Variants in SGCD observed in about 807,000 individuals in gnomAD.
SGCD encodes the protein delta-sarcoglycan.
SGCD carries 18 observed loss-of-function variants against 36.6 expected under a neutral mutation model. The ratio of observed to expected loss-of-function variants is 0.49; its 90% confidence interval spans 0.34 to 0.73. The LOEUF (loss-of-function observed/expected upper bound fraction) is 0.73, where lower values mean the gene tolerates loss of function less well. Ranked by LOEUF, SGCD falls within the 30% of genes least tolerant of loss-of-function variation. The probability of loss-of-function intolerance (pLI) is 0.01; values close to 1 mark genes in which losing one functional copy is unlikely to be tolerated. For missense variants in SGCD, 387 were observed against 346.7 expected (o/e 1.12, Z -0.92); for synonymous variants, 133 against 130.6 (o/e 1.02, Z -0.12).
chr5:155,922,858 A>T (rs1580992716), intron 1 of SGCD, among the ~76,000 whole-genome samples: 1 of 152,192 alleles, frequency 6.6e-6, no homozygotes, highest in Admixed American at 6.5e-5. Flanking sequence ...AAGACCAATA[A>T]ATCACCAGAA....
At chr5:156,270,385 C>A (rs974372435) in intron 3 of SGCD, among the ~76,000 whole-genome samples, 4 of 152,030 alleles carry the variant, frequency 2.6e-5, no homozygotes, top group Admixed American at 6.6e-5. Flanking sequence ...TTAAGATAGG[C>A]TTTTGTTTCT....
chr5:155,938,725 G>A (rs1757265187), intron 1 of SGCD, among the ~76,000 whole-genome samples: 1 of 152,128 alleles, frequency 6.6e-6, no homozygotes, highest in South Asian at 2.1e-4. Flanking sequence ...ATCCCCTGTG[G>A]CACCAGACAG....
intron 3 of SGCD, among the ~76,000 whole-genome samples, chr5:156,221,560 TA>T (rs1024836390): frequency 6.8e-5 from 10 of 147,436 alleles, no homozygotes; most frequent in East Asian, 2.0e-4. Flanking sequence ...TAATGAGATT[TA>T]AAAAAAAAAC....
intron 3 of SGCD, among the ~76,000 whole-genome samples, chr5:156,435,360 A>T (rs1282438413): frequency 6.6e-6 from 1 of 152,192 alleles, no homozygotes; most frequent in Admixed American, 6.5e-5. Flanking sequence ...TTTGCAGTAT[A>T]TTCCCCTGAG....
intron 7 of SGCD, among the ~76,000 whole-genome samples, chr5:156,702,657 G>A (rs1403247635): frequency 6.6e-6 from 1 of 152,016 alleles, no homozygotes; most frequent in Non-Finnish European, 1.5e-5. Flanking sequence ...TATTTGAGGG[G>A]AAATTAAATA....
intron 3 of SGCD, among the ~76,000 whole-genome samples, chr5:156,464,277 A>G (rs371727685): frequency 6.8e-6 from 1 of 147,836 alleles, no homozygotes; most frequent in South Asian, 2.1e-4. Flanking sequence ...CTGGAGTGCA[A>G]TGGTGTGATC....
intron 3 of SGCD, among the ~76,000 whole-genome samples, chr5:156,489,242 T>G (rs972176426): frequency 6.6e-6 from 1 of 152,080 alleles, no homozygotes; most frequent in Non-Finnish European, 1.5e-5. Flanking sequence ...AAGCAAATAT[T>G]ATTGGATCTA....
At chr5:155,735,548 T>C in the SGCD span, among the ~76,000 whole-genome samples, 2 of 152,292 alleles carry the variant, frequency 1.3e-5, no homozygotes, top group Non-Finnish European at 2.9e-5. Context: ...ACAGCCAGTG[T>C]GAATGCCAGT....
At chr5:156,236,066 A>G (rs1581186431) in intron 3 of SGCD, among the ~76,000 whole-genome samples, 2 of 152,376 alleles carry the variant, frequency 1.3e-5, no homozygotes, top group East Asian at 3.9e-4. Context: ...TTTTTAGAAT[A>G]GATCATTTTT....
At chr5:155,844,421 T>TTGTG in the SGCD span, among the ~76,000 whole-genome samples, 7,389 of 144,520 alleles carry the variant, frequency 0.051, 387 homozygotes, top group African/African-American at 0.13. Flanking sequence ...TGCTAAGGCT[T>TTGTG]TGTGTGTGTG....
At chr5:156,605,982 C>T (rs1182984745) in intron 6 of SGCD, among the ~76,000 whole-genome samples, 1 of 152,132 alleles carries the variant, frequency 6.6e-6, no homozygotes, top group Middle Eastern at 3.4e-3. Context: ...ATATTTTCAC[C>T]CATTCTGTGG....
chr5:155,926,636 T>G (rs1171169013), intron 1 of SGCD, among the ~76,000 whole-genome samples: 1 of 152,200 alleles, frequency 6.6e-6, no homozygotes, highest in African/African-American at 2.4e-5. Flanking sequence ...AATTTATGTG[T>G]AAAGATGTTT....
Position 155,892,183 on chromosome 5 carries a change from C to A in SGCD, c.-282+21759C>A, listed in dbSNP as rs1756147666. 2.0e-5 allele frequency among the ~76,000 whole-genome samples: 3 copies of A among 152,062 alleles called. No homozygotes were observed. In the South Asian group the frequency reaches 6.2e-4, roughly 32 times the overall value. On this transcript the variant is annotated intron_variant, in intron 1 of 9. Coordinates refer to the SGCD transcript ENST00000517913. ...GACATGAAAGAATGAAGCGGCCAGGCACAGTGGCTCACGCCTGTAGTCCCA... is the reference window on the plus strand; with the variant it reads ...GACATGAAAGAATGAAGCGGCCAGGAACAGTGGCTCACGCCTGTAGTCCCA...
chr5:156,716,839 G>A (rs1163746668), intron 7 of SGCD, among the ~76,000 whole-genome samples: 2 of 152,142 alleles, frequency 1.3e-5, no homozygotes, highest in Admixed American at 6.5e-5. Context: ...CTCCTCCCTC[G>A]ATAGGGGTGG....
intron 7 of SGCD, among the ~76,000 whole-genome samples, chr5:156,729,155 C>A (rs1019700565): frequency 1.3e-5 from 2 of 152,180 alleles, no homozygotes; most frequent in African/African-American, 4.8e-5. Context: ...AGAGAATTTG[C>A]TTTGCATCAA....
intron 1 of SGCD, among the ~76,000 whole-genome samples, chr5:155,889,860 CTTGGGCTGG>C (rs759330099): frequency 5.2e-4 from 79 of 152,174 alleles, no homozygotes; most frequent in Non-Finnish European, 8.8e-5. Flanking sequence ...CGCCCTATTC[CTTGGGCTGG>C]TTGGGCTGGA....
intron 3 of SGCD, among the ~76,000 whole-genome samples, chr5:156,222,034 A>T (rs1764729104): frequency 6.6e-6 from 1 of 152,068 alleles, no homozygotes; most frequent in Non-Finnish European, 1.5e-5. Context: ...TGTCATGTTG[A>T]AACGGTTAAG....
chr5:156,320,573 AT>A (rs1767631057), intron 3 of SGCD, among the ~76,000 whole-genome samples: 1 of 152,154 alleles, frequency 6.6e-6, no homozygotes, highest in Non-Finnish European at 1.5e-5. Flanking sequence ...TCTTTAATTA[AT>A]TTCTTTTAAA....
At chr5:156,652,214 C>T (rs1763489509) in intron 7 of SGCD, among the ~76,000 whole-genome samples, 1 of 151,988 alleles carries the variant, frequency 6.6e-6, no homozygotes, top group Non-Finnish European at 1.5e-5. Context: ...GGTGTGGTGG[C>T]TTACACCTGT....
Sources: gnomAD v4.1 joint callset for allele counts (sites outside exome capture counted in the v4.1 genomes callset) on GRCh38, gnomAD v4.1.1 for gene constraint, MANE v1.5 for transcripts, NCBI Gene and HGNC (gene_info 2026-07-23, HGNC 2026-07-21) for gene names.